Variants in GSK3B observed in about 807,000 individuals in gnomAD.
The protein encoded by GSK3B is glycogen synthase kinase 3 beta.
Under a neutral mutation model 56.4 loss-of-function variants are expected in GSK3B, and 15 were observed. The ratio of observed to expected loss-of-function variants is 0.27; its 90% CI spans 0.18 to 0.41. The LOEUF (loss-of-function observed/expected upper bound fraction) is 0.41, where lower values mean the gene tolerates loss of function less well. Among genes scored for constraint, GSK3B ranks in the 10% least tolerant of loss-of-function variants. The pLI is 1.00. For synonymous variants in GSK3B, 181 were observed against 188.9 expected (o/e 0.96, Z 0.34); for missense variants, 300 against 513.4 (o/e 0.58, Z 4.02).
intron 3 of GSK3B, among the ~76,000 whole-genome samples, chr3:119,930,006 G>A (rs894971434): frequency 5.3e-5 from 8 of 150,900 alleles, no homozygotes; most frequent in African/African-American, 9.7e-5. Context: ...ACTTGAGCCC[G>A]AAAAGTCAAG....
chr3:119,911,580 G>A (rs1447862542), intron 6 of GSK3B, among the ~76,000 whole-genome samples: 1 of 152,118 alleles, frequency 6.6e-6, no homozygotes, highest in Admixed American at 6.6e-5. Context: ...GTCCTAAACG[G>A]TATCTTCTTC....
intron 9 of GSK3B, among the ~76,000 whole-genome samples, chr3:119,855,615 G>A (rs1318514261): frequency 6.6e-6 from 1 of 152,186 alleles, no homozygotes; most frequent in Non-Finnish European, 1.5e-5. Flanking sequence ...TTAAGAAAAT[G>A]TGGCACATAT....
At chr3:119,869,231 A>AAAG (rs1170724265) in intron 8 of GSK3B, among the ~76,000 whole-genome samples, 10 of 149,716 alleles carry the variant, frequency 6.7e-5, no homozygotes, top group African/African-American at 2.5e-4. Context: ...CTCAAAAAAA[A>AAAG]AAAAAAAAAA....
intron 3 of GSK3B, among the ~76,000 whole-genome samples, chr3:119,938,482 A>G (rs908555402): frequency 2.6e-5 from 4 of 152,100 alleles, no homozygotes; most frequent in East Asian, 3.8e-4. Context: ...GTGGTTCAAC[A>G]TAAGAAAATC....
chr3:119,827,636 GAAAAGA>G (rs947450113), intron 10 of GSK3B, among the ~76,000 whole-genome samples: 5 of 138,362 alleles, frequency 3.6e-5, no homozygotes, highest in Non-Finnish European at 8.0e-5. Context: ...AAAGAAAAGA[GAAAAGA>G]AAAAGAAAAA....
intron 8 of GSK3B, among the ~76,000 whole-genome samples, chr3:119,873,054 C>T (rs1270805238): frequency 2.6e-5 from 4 of 152,194 alleles, no homozygotes; most frequent in South Asian, 2.1e-4. Context: ...CATCCCCTCA[C>T]CTCCAATAAT....
At chr3:119,999,854 T>C (rs2057658868) in intron 2 of GSK3B, among the ~76,000 whole-genome samples, 1 of 152,160 alleles carries the variant, frequency 6.6e-6, no homozygotes, top group Non-Finnish European at 1.5e-5. Context: ...TTTGGAAAGT[T>C]AAGTATCTGG....
chr3:120,007,943 A>G (rs1028682208), intron 1 of GSK3B, among the ~76,000 whole-genome samples: 5 of 152,198 alleles, frequency 3.3e-5, no homozygotes, highest in African/African-American at 1.2e-4. Context: ...AAAAGCATAA[A>G]GCATATTCAA....
chr3:120,044,642 G>A (rs2058088574), intron 1 of GSK3B, among the ~76,000 whole-genome samples: 1 of 152,118 alleles, frequency 6.6e-6, no homozygotes, highest in South Asian at 2.1e-4. Flanking sequence ...TGCCTCCATG[G>A]GTAAGTATCA....
rs190302352 is a variant in GSK3B at position 119,864,178 on chromosome 3, T to C, written c.910-573A>G. Among the ~76,000 whole-genome samples, 665 of 152,348 alleles carry C rather than the reference T, an allele frequency of 4.4e-3. 5 individuals are homozygous for C. The highest frequency in any genetic ancestry group is 0.015 in the African/African-American group (626 of 41,586). ...TTTGATAAAATGTCCTGCATTTTTT[T>C]TCTCAAGTAGGTGTTACCATGAATG... On this transcript the variant is annotated intron_variant, in intron 8 of 10. Transcript: ENST00000264235.
chr3:119,965,076 A>T (rs1346720656), intron 2 of GSK3B, among the ~76,000 whole-genome samples: 1 of 147,176 alleles, frequency 6.8e-6, no homozygotes, highest in African/African-American at 2.5e-5. Context: ...TTTGAGACAG[A>T]AAGTCTTGCT....
chr3:119,849,406 C>T (rs2055898849), intron 9 of GSK3B, among the ~76,000 whole-genome samples: 1 of 152,176 alleles, frequency 6.6e-6, no homozygotes, highest in Non-Finnish European at 1.5e-5. Flanking sequence ...TCTCAATAAC[C>T]ATGTGCTCGA....
intron 2 of GSK3B, among the ~76,000 whole-genome samples, chr3:119,982,293 A>G (rs1181260875): frequency 1.3e-5 from 2 of 152,188 alleles, no homozygotes; most frequent in Non-Finnish European, 2.9e-5. Flanking sequence ...CTAAAATCAG[A>G]GCACCTCTTC....
intron 2 of GSK3B, among the ~76,000 whole-genome samples, chr3:119,962,059 G>A (rs537023568): frequency 6.6e-6 from 1 of 152,186 alleles, no homozygotes; most frequent in East Asian, 1.9e-4. Flanking sequence ...CTTCATTTTA[G>A]GTCATGGAGC....
chr3:119,987,437 A>G (rs922462551), intron 2 of GSK3B, among the ~76,000 whole-genome samples: 2 of 152,214 alleles, frequency 1.3e-5, no homozygotes, highest in Non-Finnish European at 2.9e-5. Context: ...ATAAGGAGGC[A>G]TAAGAATGTG....
intron 3 of GSK3B, among the ~76,000 whole-genome samples, chr3:119,936,521 A>AT (rs1196661719): frequency 6.6e-6 from 1 of 150,670 alleles, no homozygotes; most frequent in Non-Finnish European, 1.5e-5. Context: ...TAATTTTTGT[A>AT]TTTTTTAGTA....
At chr3:120,043,390 T>C (rs766042580) in intron 1 of GSK3B, among the ~76,000 whole-genome samples, 21 of 152,248 alleles carry the variant, frequency 1.4e-4, no homozygotes, top group Non-Finnish European at 1.9e-4. Context: ...ACCACCTTGT[T>C]ATCAATGTAA....
intron 1 of GSK3B, among the ~76,000 whole-genome samples, chr3:120,065,866 A>G (rs1337378666): frequency 1.3e-5 from 2 of 152,190 alleles, no homozygotes; most frequent in Admixed American, 1.3e-4. Context: ...AGGTCACATA[A>G]AGTATGATTC....
chr3:119,875,498 GACACACACACACACACACACAC>G (rs66880409), intron 8 of GSK3B, among the ~76,000 whole-genome samples: 242 of 144,994 alleles, frequency 1.7e-3, no homozygotes, highest in Non-Finnish European at 3.0e-3. Context: ...GGTAACCCGT[GACACACACACACACACACACAC>G]ACACACACAC....
Sources: allele counts gnomAD v4.1 joint callset (sites outside exome capture counted in the v4.1 genomes callset), GRCh38; gene constraint gnomAD v4.1.1; transcripts MANE v1.5; gene names NCBI Gene and HGNC (gene_info 2026-07-23, HGNC 2026-07-21).